The following MCIDAS variants were observed in gnomAD, a reference collection of about 807,000 sequenced individuals.
The protein encoded by MCIDAS is multicilin.
A neutral mutation model predicts 35.4 loss-of-function variants in MCIDAS; 23 were observed. That is an observed-to-expected ratio of 0.65 (90% CI 0.47 to 0.92). The LOEUF (loss-of-function observed/expected upper bound fraction) is 0.92. Among genes scored for constraint, MCIDAS ranks in the 40% least tolerant of loss-of-function variants. MCIDAS has a pLI of 0.00. For synonymous variants in MCIDAS, 228 were observed against 235.2 expected, an observed-to-expected ratio of 0.97 and a Z score of 0.28; for missense variants, 480 against 531.8, an observed-to-expected ratio of 0.90 and a Z score of 0.96.
At chr5:55,221,249 G>A (rs1230879626) in intron 5 of MCIDAS, 123 bp from the exon 6 acceptor site, 5 of 621,516 alleles carry the variant, frequency 8.0e-6, no homozygotes, top group East Asian at 2.9e-5. Flanking sequence ...AGGCATTTAC[G>A]CTAGTGAGAA....
rs1297986739 is a variant in MCIDAS at position 55,220,489 on chromosome 5, G to T, written c.1035C>A (p.Gly345=). 2.0e-6 allele frequency: 3 copies of T among 1,535,996 alleles called. No homozygotes were observed. In the Admixed American group the frequency reaches 5.9e-5, roughly 30 times the overall value. ...TGCGGATGCGGGTGCTGAAGGAGCC[G>T]CCCTCCTCCAGCTCACTGTGGCTCA... ...LNLSHSELEE[G]GSFSTRIRSH... Residue 345 remains glycine (G), a synonymous_variant, in exon 7 of 7, where the codon GGC becomes GGA. Coordinates refer to ENST00000513312, the MANE Select transcript of MCIDAS (RefSeq NM_001190787.3).
At chr5:55,226,998 G>A (rs1405333193) in intron 1 of MCIDAS, 21 bp downstream of exon 1, 2 of 1,518,350 alleles carry the variant, frequency 1.3e-6, no homozygotes, top group African/African-American at 2.8e-5. Context: ...GACCCCGCCC[G>A]GCCCGAATCA....
chr5:55,223,430 C>T lies in MCIDAS; in HGVS notation c.310-407G>A, dbSNP rs1745398755. Among the ~76,000 whole-genome samples, 2 of 152,220 alleles carry T rather than the reference C, an allele frequency of 1.3e-5. No individual in the cohort carries two copies. The highest frequency in any genetic ancestry group is 2.9e-5 in the Non-Finnish European group (2 of 68,026). On this transcript the variant is annotated intron_variant, in intron 3 of 6. Transcript: ENST00000513312. The surrounding 1 kb of genome is among the most constrained non-coding windows in gnomAD (Gnocchi z 4.4). Reference sequence around the variant, plus strand: ...AGCTGCGTGGCGGGAATGGGTCCTTCCACCGGCGGTGCGGCGGCCCTGCGC... The same window carrying T: ...AGCTGCGTGGCGGGAATGGGTCCTTTCACCGGCGGTGCGGCGGCCCTGCGC...
chr5:55,225,399 C>T (rs1745439149), intron 3 of MCIDAS, among the ~76,000 whole-genome samples: 1 of 152,140 alleles, frequency 6.6e-6, no homozygotes, highest in Admixed American at 6.5e-5. Flanking sequence ...GCACAATAAA[C>T]ATGCTGGGGT....
rs909764508 is a variant in MCIDAS at position 55,220,263 on chromosome 5, A to G, written c.*103T>C. ...GTATCAAGATGCTTTTGTTCCTGAA[A>G]AAGTGTTTCAGGGTGGCATTCAACC... On this transcript the variant is annotated 3_prime_UTR_variant, in exon 7 of 7. Coordinates refer to ENST00000513312, the MANE Select transcript of MCIDAS (RefSeq NM_001190787.3). 3 of 1,134,006 alleles carry G rather than the reference A, an allele frequency of 2.6e-6. No homozygotes were observed. The highest frequency in any genetic ancestry group is 1.6e-5 in the African/African-American group (1 of 63,744). 70.2% of individuals were successfully genotyped at this position (1,134,006 alleles called of 1,614,324 possible).
Position 55,221,069 on chromosome 5 carries a change from C to G in MCIDAS, c.664G>C (p.Val222Leu). 2 of 1,536,106 alleles carry G rather than the reference C, an allele frequency of 1.3e-6. No individual in the cohort carries two copies. Among genetic ancestry groups the G allele is most frequent in the East Asian group, 2.4e-5 (1 of 40,902 alleles). ...EEIASLKERNVQLKELASRTR... is the reference protein window; with the variant it reads ...EEIASLKERNLQLKELASRTR... ...CGGCTGGCGAGTTCCTTCAGCTGCA[C>G]GTTCCGCTCCTTGAGCGAGGCGATC... is the stretch of plus-strand genomic sequence containing the variant. The change falls in exon 6 of 7, where the codon GTG becomes CTG. Residue 222 changes from valine to leucine, a missense_variant. Val to Leu is a conservative substitution (Grantham distance 32). Coordinates refer to ENST00000513312, the MANE Select transcript of MCIDAS (RefSeq NM_001190787.3).
Position 55,220,368 on chromosome 5 carries a change from A to T in MCIDAS, c.1156T>A (p.Ter386ArgextTer47). 1.3e-6 allele frequency: 2 copies of T among 1,533,260 alleles called. No individual in the cohort carries two copies. The highest frequency in any genetic ancestry group is 1.7e-6 in the Non-Finnish European group (2 of 1,144,768). 95.0% of individuals were successfully genotyped at this position (1,533,260 alleles called of 1,614,324 possible). Residue 386 changes from the stop codon to arginine, a stop_lost, in exon 7 of 7, where the codon TGA becomes AGA. Transcript: ENST00000513312. The stretch of plus-strand genomic sequence containing the variant: ...GTTTTGGGGGACCACATCACAGCTC[A>T]ACTGGGGACCCAGCGGAACTTGTAA... ...GGYKFRWVPS[*>R] is the part of the protein sequence containing the mutation.
chr5:55,224,034 T>C (rs1745412336), intron 3 of MCIDAS, among the ~76,000 whole-genome samples: 1 of 152,108 alleles, frequency 6.6e-6, no homozygotes, highest in Admixed American at 6.5e-5. Context: ...TTCATCCTCA[T>C]ACCAGTGTGG....
intron 4 of MCIDAS, 142 bp downstream of exon 4, chr5:55,222,809 G>T: frequency 1.4e-6 from 1 of 719,372 alleles, no homozygotes; most frequent in Non-Finnish European, 2.3e-6. Context: ...ATATGGAAAA[G>T]GCTGACTCTT....
intron 5 of MCIDAS, 70 bp downstream of exon 5, chr5:55,222,106 A>C: frequency 5.5e-6 from 8 of 1,450,422 alleles, no homozygotes; most frequent in Non-Finnish European, 7.5e-6. Context: ...TCTCCCTTGC[A>C]AACCCCACTT....
At chr5:55,222,892 C>T (rs1305518954) in intron 4 of MCIDAS, 59 bp downstream of exon 4, 4 of 1,449,216 alleles carry the variant, frequency 2.8e-6, no homozygotes, top group Non-Finnish European at 1.9e-6. Context: ...CTGAACTAGT[C>T]TGATTTGGGA....
intron 3 of MCIDAS, among the ~76,000 whole-genome samples, chr5:55,225,026 C>G (rs1745432719): frequency 6.6e-6 from 1 of 152,036 alleles, no homozygotes; most frequent in African/African-American, 2.4e-5. Flanking sequence ...ATGGCGAATC[C>G]CCATCTGTAC....
At chr5:55,225,517 AG>A (rs1406413665) in intron 3 of MCIDAS, among the ~76,000 whole-genome samples, 11 of 152,232 alleles carry the variant, frequency 7.2e-5, no homozygotes, top group Admixed American at 7.2e-4. Flanking sequence ...TCTGCAGTGC[AG>A]TGCCCACTCC....
intron 6 of MCIDAS, 98 bp downstream of exon 6, chr5:55,220,918 C>T (rs1296890012): frequency 6.9e-6 from 10 of 1,450,280 alleles, no homozygotes; most frequent in Non-Finnish European, 8.3e-6. Context: ...CGGTACTCTC[C>T]TCTCCCGGGC....
intron 3 of MCIDAS, among the ~76,000 whole-genome samples, chr5:55,225,599 G>A (rs968852473): frequency 2.0e-5 from 3 of 152,232 alleles, no homozygotes; most frequent in Non-Finnish European, 4.4e-5. Flanking sequence ...CTAGCCCAAG[G>A]TTCTAGGAGG....
Position 55,227,183 on chromosome 5 carries a change from CGGG to C in MCIDAS, c.-48_-46del. ...TGCCGACTGCTCGGAGGCGGCGGCC[CGGG>C]CTGGGGCAGCGATCCACACCCTGCA... is the stretch of plus-strand genomic sequence containing the variant. On this transcript the variant is annotated 5_prime_UTR_variant, in exon 1 of 7. Coordinates refer to ENST00000513312, the MANE Select transcript of MCIDAS (RefSeq NM_001190787.3). 2 of 1,398,652 alleles carry C rather than the reference CGGG, an allele frequency of 1.4e-6. No homozygotes were observed. Among genetic ancestry groups the C allele is most frequent in the East Asian group, 6.0e-5 (2 of 33,430 alleles). 86.6% of individuals were successfully genotyped at this position (1,398,652 alleles called of 1,614,324 possible).
rs539872931 is a variant in MCIDAS, at chr5:55,226,957, G to C, written c.121-26C>G. The C allele has an allele frequency of 8.2e-5, 122 of 1,484,614 alleles. No individual in the cohort carries two copies. In the African/African-American group the frequency reaches 1.5e-3, roughly 18 times the overall value. 92.0% of individuals were successfully genotyped at this position (1,484,614 alleles called of 1,614,324 possible). A position where few individuals can be genotyped will look rare whatever the true frequency, so the allele number is the denominator to read the frequency against. On this transcript the variant is annotated intron_variant, in intron 1 of 6. Transcript: ENST00000513312. ...CTGGCCGGGCACACAAACGTTGAAC[G>C]CGGGTCAGCCCTCGGGGCACCGAGC...
chr5:55,223,128 A>G lies in MCIDAS; in HGVS notation c.310-105T>C. 2 of 897,250 alleles carry G rather than the reference A, an allele frequency of 2.2e-6. No individual in the cohort carries two copies. Among genetic ancestry groups the G allele is most frequent in the Non-Finnish European group, 3.5e-6 (2 of 575,206 alleles). 55.6% of individuals were successfully genotyped at this position (897,250 alleles called of 1,614,324 possible). On this transcript the variant is annotated intron_variant, in intron 3 of 6. Coordinates refer to ENST00000513312, the MANE Select transcript of MCIDAS (RefSeq NM_001190787.3). The surrounding 1 kb of genome is among the most constrained non-coding windows in gnomAD (Gnocchi z 4.4). ...AAATCTGGCAGGCACTATGCAATAT[A>G]TGCACGTAACACAACTGCACTTGTA...
chr5:55,220,868 G>A, intron 6 of MCIDAS, 62 bp from the exon 7 acceptor site: 2 of 1,484,976 alleles, frequency 1.3e-6, no homozygotes, highest in Non-Finnish European at 8.9e-7. Context: ...TTCGGAGCGT[G>A]CAAAAGGTGA....
Sources: allele counts gnomAD v4.1 joint callset (sites outside exome capture counted in the v4.1 genomes callset), GRCh38; gene constraint gnomAD v4.1.1; non-coding constraint Gnocchi (gnomAD v3.1); transcripts MANE v1.5; gene names NCBI Gene and HGNC (gene_info 2026-07-23, HGNC 2026-07-21).